The following KLHDC10 variants were observed in gnomAD, a reference collection of about 807,000 sequenced individuals.
The protein encoded by KLHDC10 is kelch domain-containing protein 10.
Under a neutral mutation model 56.1 loss-of-function variants are expected in KLHDC10, and 24 were observed. The ratio of observed to expected loss-of-function variants is 0.43; its 90% CI spans 0.31 to 0.60. The LOEUF is 0.60. KLHDC10 is among the 20% of genes least tolerant of loss of function. KLHDC10 has a pLI of 0.11. For missense variants in KLHDC10, 349 were observed against 567.0 expected (o/e 0.62, Z 3.91); for synonymous variants, 188 against 207.1 (o/e 0.91, Z 0.79).
At chr7:130,087,852 C>G (rs1321058368) in intron 1 of KLHDC10, among the ~76,000 whole-genome samples, 1 of 151,816 alleles carries the variant, frequency 6.6e-6, no homozygotes, top group Non-Finnish European at 1.5e-5. Context: ...CCTCCACCTC[C>G]CGGGTTCAAG....
rs968887686 is a variant in KLHDC10 at position 130,130,243 on chromosome 7, C to G, written c.1120-294C>G. ...GCTGAAGCAGGAGAATGGCGTGAAC[C>G]CGGGAGGCGGAGAGCTTGCAGTGAG... On this transcript the variant is annotated intron_variant, in intron 9 of 9. Coordinates refer to ENST00000335420, the MANE Select transcript of KLHDC10 (RefSeq NM_014997.4). This position sits in a 1 kb window ranked among gnomAD's most constrained non-coding sequence, Gnocchi z 4.2. Among the ~76,000 whole-genome samples the G allele has an allele frequency of 4.0e-5, 6 of 151,270 alleles. No homozygotes were observed. The highest frequency in any genetic ancestry group is 7.4e-5 in the Non-Finnish European group (5 of 67,916).
chr7:130,085,119 G>A (rs1795667415), intron 1 of KLHDC10, among the ~76,000 whole-genome samples: 2 of 151,934 alleles, frequency 1.3e-5, no homozygotes, highest in South Asian at 4.2e-4. Flanking sequence ...GCCGAGACGA[G>A]GTTGGGAGTT....
intron 5 of KLHDC10, among the ~76,000 whole-genome samples, 159 bp downstream of exon 5, chr7:130,122,361 T>TA (rs34925913): frequency 0.19 from 28,918 of 152,138 alleles, 3,520 homozygotes; most frequent in Non-Finnish European, 0.27. Context: ...AGGTCTATAG[T>TA]AAAAAAAGTT....
chr7:130,085,025 A>C (rs1455682080), intron 1 of KLHDC10, among the ~76,000 whole-genome samples: 1 of 151,988 alleles, frequency 6.6e-6, no homozygotes, highest in Non-Finnish European at 1.5e-5. Flanking sequence ...AATTATTAGC[A>C]AGCCATTGGA....
intron 2 of KLHDC10, among the ~76,000 whole-genome samples, chr7:130,112,805 A>G (rs1363912965): frequency 6.6e-6 from 1 of 152,194 alleles, no homozygotes; most frequent in Non-Finnish European, 1.5e-5. Flanking sequence ...CAGCTATGAG[A>G]TTCCTTGACA....
At chr7:130,118,065 C>T (rs1362000363) in intron 3 of KLHDC10, among the ~76,000 whole-genome samples, 2 of 151,762 alleles carry the variant, frequency 1.3e-5, no homozygotes, top group East Asian at 1.9e-4. Context: ...CCCAGCTACT[C>T]AGGAGGCTGA....
chr7:130,122,321 G>A, intron 5 of KLHDC10, 119 bp downstream of exon 5: 1 of 901,070 alleles, frequency 1.1e-6, no homozygotes, highest in East Asian at 2.6e-5. Flanking sequence ...CTGGCTGTTG[G>A]ATGTTAGATC....
At chr7:130,108,036 C>T (rs1796037884) in intron 2 of KLHDC10, among the ~76,000 whole-genome samples, 1 of 148,944 alleles carries the variant, frequency 6.7e-6, no homozygotes, top group South Asian at 2.1e-4. Flanking sequence ...AAACAAAAAA[C>T]CCTTCCCCGG....
chr7:130,104,526 G>A (rs1402306484), intron 2 of KLHDC10, among the ~76,000 whole-genome samples: 1 of 152,212 alleles, frequency 6.6e-6, no homozygotes, highest in Non-Finnish European at 1.5e-5. Context: ...GAGAATGTAT[G>A]TAAGAGGCTT....
rs151083030 is a variant in KLHDC10, at chr7:130,115,426, C to T, written c.254-1019C>T. ...TAACCTTGAAGTAATTTTTAGTAAA[C>T]TAGTTGAGACCGGGTGCAGTAGCTC... is the stretch of plus-strand genomic sequence containing the variant. On this transcript the variant is annotated intron_variant, in intron 2 of 9. Transcript: ENST00000335420. 2.4e-3 allele frequency among the ~76,000 whole-genome samples: 372 copies of T among 151,840 alleles called. 1 individual carries two copies. The highest frequency in any genetic ancestry group is 8.5e-3 in the African/African-American group (350 of 41,414).
At chr7:130,102,789 G>A (rs889691017) in intron 2 of KLHDC10, among the ~76,000 whole-genome samples, 1 of 152,160 alleles carries the variant, frequency 6.6e-6, no homozygotes, top group Non-Finnish European at 1.5e-5. Context: ...TCGCGCCATT[G>A]CACTCCAGCC....
chr7:130,107,545 T>TA (rs1563102547), intron 2 of KLHDC10, among the ~76,000 whole-genome samples: 1 of 151,902 alleles, frequency 6.6e-6, no homozygotes, highest in Non-Finnish European at 1.5e-5. Flanking sequence ...CTTGATGAAA[T>TA]ACAAAACTAG....
In KLHDC10 at chr7:130,133,730, G is replaced by T. The variant is rs1184813481; in HGVS notation, c.*2984G>T. On this transcript the variant is annotated 3_prime_UTR_variant, in exon 10 of 10. Coordinates refer to ENST00000335420, the MANE Select transcript of KLHDC10 (RefSeq NM_014997.4). ...ATCTGTAAGGAGTTTCCTAAACGGA[G>T]AATTAAAACCTAGTATTTAACACTA... 1 of 152,138 alleles carries T rather than the reference G, an allele frequency of 6.6e-6. No homozygotes were observed. Among genetic ancestry groups the T allele is most frequent in the Non-Finnish European group, 1.5e-5 (1 of 68,032 alleles). The allele number at this position is 152,138 out of a possible 1,614,324, so 9.4% of individuals were successfully genotyped here.
intron 8 of KLHDC10, 118 bp downstream of exon 8, chr7:130,127,569 T>A (rs528801245): frequency 1.8e-5 from 13 of 705,620 alleles, no homozygotes; most frequent in Middle Eastern, 3.5e-4. Flanking sequence ...AGTCTATTTC[T>A]TGTAAACTTA....
At chr7:130,079,816 C>G (rs1339013418) in intron 1 of KLHDC10, among the ~76,000 whole-genome samples, 3 of 134,230 alleles carry the variant, frequency 2.2e-5, no homozygotes, top group African/African-American at 8.2e-5. Flanking sequence ...CTTCCTTACT[C>G]CCTTGCTCCC....
At chr7:130,124,336 G>A (rs1487271173) in intron 5 of KLHDC10, 115 bp from the exon 6 acceptor site, 2 of 639,636 alleles carry the variant, frequency 3.1e-6, no homozygotes, top group Non-Finnish European at 5.6e-6. Context: ...AAACGCCTAG[G>A]TTATTTCCAA....
At chr7:130,124,407 C>A (rs373424517) in intron 5 of KLHDC10, 44 bp from the exon 6 acceptor site, 85 of 1,144,868 alleles carry the variant, frequency 7.4e-5, no homozygotes, top group Non-Finnish European at 1.0e-4. Context: ...TTAGATAGGT[C>A]ATTTTTCACT....
chr7:130,086,443 G>A (rs62491314), intron 1 of KLHDC10, among the ~76,000 whole-genome samples: 9 of 152,206 alleles, frequency 5.9e-5, no homozygotes, highest in Non-Finnish European at 7.3e-5. Context: ...AGAGGAGAAA[G>A]TGTCCCTTTC....
chr7:130,082,083 C>G (rs752535721), intron 1 of KLHDC10, among the ~76,000 whole-genome samples: 3 of 152,118 alleles, frequency 2.0e-5, no homozygotes, highest in Non-Finnish European at 4.4e-5. Context: ...AAGGCCGAGG[C>G]GGGCAAAAAG....
Sources: gnomAD v4.1 joint callset for allele counts (sites outside exome capture counted in the v4.1 genomes callset) on GRCh38, gnomAD v4.1.1 for gene constraint, Gnocchi (gnomAD v3.1) non-coding constraint, MANE v1.5 for transcripts, NCBI Gene and HGNC (gene_info 2026-07-23, HGNC 2026-07-21) for gene names.